Variants in FNDC3B observed in about 807,000 individuals in gnomAD.
The protein encoded by FNDC3B is fibronectin type III domain-containing protein 3B.
In FNDC3B, 12 loss-of-function variants were observed where a neutral mutation model predicts 151.5. The ratio of observed to expected loss-of-function variants is 0.08; its 90% CI spans 0.05 to 0.13. FNDC3B has a LOEUF of 0.13. FNDC3B is among the 10% of genes least tolerant of loss of function. FNDC3B has a pLI of 1.00. For missense variants in FNDC3B, 1,214 were observed against 1,505.3 expected, an observed-to-expected ratio of 0.81 and a Z score of 3.20; for synonymous variants, 528 against 549.0, an observed-to-expected ratio of 0.96 and a Z score of 0.54.
intron 1 of FNDC3B, among the ~76,000 whole-genome samples, chr3:172,086,000 A>C (rs1041956948): frequency 2.6e-5 from 4 of 152,210 alleles, no homozygotes; most frequent in Non-Finnish European, 5.9e-5. Context: ...AAAAAATATT[A>C]CTTGTAAAAA....
chr3:172,323,024 T>C (rs546851077), intron 11 of FNDC3B, among the ~76,000 whole-genome samples: 4 of 124,776 alleles, frequency 3.2e-5, no homozygotes, highest in Admixed American at 7.5e-5. Context: ...CAAAGTGTTT[T>C]AGTTTTTGTT....
intron 1 of FNDC3B, among the ~76,000 whole-genome samples, chr3:172,081,035 C>G (rs1718257464): frequency 6.6e-6 from 1 of 152,180 alleles, no homozygotes; most frequent in South Asian, 2.1e-4. Context: ...TTTACTTTAA[C>G]AATTGATATA....
At chr3:172,265,293 G>T (rs1728867117) in intron 6 of FNDC3B, among the ~76,000 whole-genome samples, 1 of 152,096 alleles carries the variant, frequency 6.6e-6, no homozygotes, top group African/African-American at 2.4e-5. Context: ...GCTAGAATTT[G>T]TTTTGTTTTT....
At chr3:172,112,644 A>G in intron 2 of FNDC3B, 54 bp downstream of exon 2, 2 of 1,154,676 alleles carry the variant, frequency 1.7e-6, no homozygotes, top group South Asian at 2.4e-5. Context: ...GGAAACAGTA[A>G]CACAGTATTT....
rs1475087201 is a variant in FNDC3B, at chr3:172,400,133, T to C, written c.*2658T>C. On this transcript the variant is annotated 3_prime_UTR_variant, in exon 26 of 26. Transcript: ENST00000415807. ...AAAATAAAGTGTTCTATTAACCTGA[T>C]CTCTTTGCCCTTTTGCTATGTGAGG... is the stretch of plus-strand genomic sequence containing the variant. 2 of 152,266 alleles carry C rather than the reference T, an allele frequency of 1.3e-5. No homozygotes were observed. Among genetic ancestry groups the C allele is most frequent in the African/African-American group, 2.4e-5 (1 of 41,438 alleles). 9.4% of individuals were successfully genotyped at this position (152,266 alleles called of 1,614,324 possible).
chr3:172,257,656 G>A (rs1458819051), intron 6 of FNDC3B, among the ~76,000 whole-genome samples: 2 of 152,058 alleles, frequency 1.3e-5, no homozygotes, highest in East Asian at 1.9e-4. Flanking sequence ...TTTGAGTGGA[G>A]GACCTGGGTC....
At chr3:172,151,093 A>G (rs1449465131) in intron 3 of FNDC3B, among the ~76,000 whole-genome samples, 1 of 152,200 alleles carries the variant, frequency 6.6e-6, no homozygotes, top group Non-Finnish European at 1.5e-5. Context: ...ACTTACATAC[A>G]AGTCATAATC....
At chr3:172,394,106 T>TTAAAAAAAAAAAA (rs1736153949) in intron 25 of FNDC3B, among the ~76,000 whole-genome samples, 1 of 16,644 alleles carries the variant, frequency 6.0e-5, no homozygotes, top group Non-Finnish European at 1.1e-4. Context: ...AGACTCCTTC[T>TTAAAAAAAAAAAA]AAAAAAAAAA....
chr3:172,337,071 T>C (rs1279110663), intron 15 of FNDC3B, among the ~76,000 whole-genome samples: 2 of 152,228 alleles, frequency 1.3e-5, no homozygotes, highest in African/African-American at 4.8e-5. Flanking sequence ...CCGAGTTTTT[T>C]GTTCATATTT....
chr3:172,337,118 G>C (rs1230385564), intron 15 of FNDC3B, among the ~76,000 whole-genome samples: 4 of 151,888 alleles, frequency 2.6e-5, no homozygotes, highest in Non-Finnish European at 5.9e-5. Context: ...CTATATCTAA[G>C]AACTTTGAAT....
At chr3:172,127,625 A>C (rs1720863879) in intron 2 of FNDC3B, among the ~76,000 whole-genome samples, 1 of 152,204 alleles carries the variant, frequency 6.6e-6, no homozygotes, top group African/African-American at 2.4e-5. Flanking sequence ...TTACAGACAC[A>C]TGTGATATTG....
In FNDC3B at chr3:172,186,168, A is replaced by G. The variant is rs565250251; in HGVS notation, c.188-40703A>G. Among the ~76,000 whole-genome samples the G allele has an allele frequency of 3.3e-5, 5 of 152,344 alleles. No individual in the cohort carries two copies. In the South Asian group the frequency reaches 1.0e-3, roughly 32 times the overall value. On this transcript the variant is annotated intron_variant, in intron 3 of 25. Transcript: ENST00000415807. ...CCTTACATCACTCCCTTCTTCCATC[A>G]GTAGAACAAAAGCCTTTTTCTCTTA...
intron 19 of FNDC3B, among the ~76,000 whole-genome samples, chr3:172,345,573 G>GT (rs1190700247): frequency 6.6e-6 from 1 of 152,086 alleles, no homozygotes; most frequent in African/African-American, 2.4e-5. Flanking sequence ...TTGAGAGGTG[G>GT]TTTTTTGTTT....
chr3:172,081,912 C>T (rs191003632), intron 1 of FNDC3B, among the ~76,000 whole-genome samples: 12 of 152,284 alleles, frequency 7.9e-5, no homozygotes, highest in African/African-American at 2.4e-4. Context: ...ATAATTTCCT[C>T]TTGTTTTATA....
rs1735257434 is a variant in FNDC3B, at chr3:172,378,264, T to C, written c.3009-6T>C. On this transcript the variant is annotated splice_polypyrimidine_tract_variant and splice_region_variant and intron_variant, in intron 23 of 25. Transcript: ENST00000415807. ...GATGGCTAATTGATTCTGCTCCTTCTTCTAGGTTTATTTCAATCTACAGAG... is the reference window on the plus strand; with the variant it reads ...GATGGCTAATTGATTCTGCTCCTTCCTCTAGGTTTATTTCAATCTACAGAG... The C allele has an allele frequency of 6.4e-7, 1 of 1,573,216 alleles. No individual in the cohort carries two copies. The highest frequency in any genetic ancestry group is 8.6e-7 in the Non-Finnish European group (1 of 1,164,670).
rs542894469 is a variant in FNDC3B, at chr3:172,370,980, G to T, written c.3009-7290G>T. ...TTATTACCCAAATTCCATAATTTACGTTAGGGTTTACTCTTGGTGTTGTTC... is the reference window on the plus strand; with the variant it reads ...TTATTACCCAAATTCCATAATTTACTTTAGGGTTTACTCTTGGTGTTGTTC... On this transcript the variant is annotated intron_variant, in intron 23 of 25. Coordinates refer to ENST00000415807, the MANE Select transcript of FNDC3B (RefSeq NM_022763.4). Among the ~76,000 whole-genome samples, 3 of 152,218 alleles carry T rather than the reference G, an allele frequency of 2.0e-5. No individual in the cohort carries two copies. In the South Asian group the frequency reaches 6.2e-4, roughly 32 times the overall value.
rs939529974 is a variant in FNDC3B, at chr3:172,303,601, T to C, written c.1062-3762T>C. Among the ~76,000 whole-genome samples the C allele has an allele frequency of 9.9e-5, 15 of 152,220 alleles. No homozygotes were observed. The East Asian group carries it at 2.9e-3, about 29-fold the overall frequency. ...TATATTGTTAGAAAAATGTTTTCTT[T>C]TCTTGGGATAAATGCAACAAAAACT... On this transcript the variant is annotated intron_variant, in intron 9 of 25. Transcript: ENST00000415807.
intron 3 of FNDC3B, among the ~76,000 whole-genome samples, chr3:172,175,380 A>T (rs1723529619): frequency 6.6e-6 from 1 of 152,074 alleles, no homozygotes; most frequent in African/African-American, 2.4e-5. Context: ...CGTGGTAGGT[A>T]GGCGGATGGG....
chr3:172,190,962 C>G (rs1293449036), intron 3 of FNDC3B, among the ~76,000 whole-genome samples: 1 of 152,166 alleles, frequency 6.6e-6, no homozygotes, highest in Non-Finnish European at 1.5e-5. Context: ...AGCCACCATG[C>G]CCAGCCCCAT....
Sources: allele counts gnomAD v4.1 joint callset (sites outside exome capture counted in the v4.1 genomes callset), GRCh38; gene constraint gnomAD v4.1.1; transcripts MANE v1.5; gene names NCBI Gene and HGNC (gene_info 2026-07-23, HGNC 2026-07-21).